SPRED2: variants seen among roughly 807,000 people sequenced by gnomAD.
SPRED2 encodes sprouty related EVH1 domain containing 2.
SPRED2 carries 47 observed loss-of-function variants against 43.0 expected under a neutral mutation model. The ratio of observed to expected loss-of-function variants is 1.09; its 90% CI spans 0.87 to 1.40. SPRED2 has a LOEUF of 1.40. Among genes scored for constraint, SPRED2 ranks in the 40% most tolerant of loss-of-function variants. The pLI, the probability that SPRED2 is intolerant of heterozygous loss-of-function variation, is 0.00. For missense variants in SPRED2, 561 were observed against 586.4 expected (o/e 0.96, Z 0.45); for synonymous variants, 225 against 225.7 (o/e 1.00, Z 0.03).
chr2:65,403,933 G>T (rs1346249256), intron 1 of SPRED2, among the ~76,000 whole-genome samples: 1 of 152,146 alleles, frequency 6.6e-6, no homozygotes, highest in Non-Finnish European at 1.5e-5. Flanking sequence ...GGCCAGGTGT[G>T]GTGGCTCACT....
chr2:65,338,761 C>T (rs1482580892), intron 2 of SPRED2, among the ~76,000 whole-genome samples: 1 of 151,242 alleles, frequency 6.6e-6, no homozygotes, highest in Non-Finnish European at 1.5e-5. Context: ...GGCTGCCCAT[C>T]GTCTGGGATG....
intron 4 of SPRED2, among the ~76,000 whole-genome samples, chr2:65,325,595 A>C (rs1673587269): frequency 6.6e-6 from 1 of 152,108 alleles, no homozygotes; most frequent in Non-Finnish European, 1.5e-5. Context: ...GCTCCTAAGA[A>C]CATTACAGGT....
intron 1 of SPRED2, among the ~76,000 whole-genome samples, chr2:65,379,220 G>A (rs1224357591): frequency 1.3e-5 from 2 of 152,148 alleles, no homozygotes; most frequent in Non-Finnish European, 1.5e-5. Context: ...GTTCCATTGA[G>A]TGTTCCCCCT....
rs1396902942 is a variant in SPRED2, at chr2:65,363,013, T to G, written c.27-18117A>C. Among the ~76,000 whole-genome samples, 75 of 140,208 alleles carry G rather than the reference T, an allele frequency of 5.3e-4. 1 individual carries two copies. Among genetic ancestry groups the G allele is most frequent in the South Asian group, 6.5e-4 (3 of 4,582 alleles). The allele number at this position is 140,208 out of a possible 152,430, so 92.0% of individuals were successfully genotyped here. ...TATGGTCATCATGTTTTGTTTTTTT[T>G]TTTTTTTTTTTTTTTTGAAAGGTTT... On this transcript the variant is annotated intron_variant, in intron 1 of 5. Transcript: ENST00000356388.
At chr2:65,391,072 A>G (rs1286699229) in intron 1 of SPRED2, among the ~76,000 whole-genome samples, 1 of 134,394 alleles carries the variant, frequency 7.4e-6, no homozygotes, top group East Asian at 2.2e-4. Flanking sequence ...TGGGTGACAG[A>G]GCGAGACTCC....
chr2:65,339,324 G>A (rs1426874757), intron 2 of SPRED2, among the ~76,000 whole-genome samples: 3 of 152,006 alleles, frequency 2.0e-5, no homozygotes, highest in Non-Finnish European at 2.9e-5. Context: ...TCGGATGGTT[G>A]CCGTGTCTGT....
rs548907871 is a variant in SPRED2 at position 65,337,431 on chromosome 2, A to G, written c.205-2658T>C. On this transcript the variant is annotated intron_variant, in intron 2 of 5. Coordinates refer to ENST00000356388, the MANE Select transcript of SPRED2 (RefSeq NM_181784.3). Reference sequence around the variant, plus strand: ...CTTGAAAAAAAAAACTACACAAGAAATACATGTTGTGGGAGATTTAAGTAT... The same window carrying G: ...CTTGAAAAAAAAAACTACACAAGAAGTACATGTTGTGGGAGATTTAAGTAT... Among the ~76,000 whole-genome samples the G allele has an allele frequency of 5.9e-5, 9 of 152,276 alleles. 1 individual carries two copies. The highest frequency in any genetic ancestry group is 2.2e-4 in the African/African-American group (9 of 41,554).
chr2:65,343,097 C>A (rs1674240655), intron 2 of SPRED2, among the ~76,000 whole-genome samples: 1 of 152,152 alleles, frequency 6.6e-6, no homozygotes, highest in African/African-American at 2.4e-5. Context: ...ATCATAATTT[C>A]TTCAATTACA....
chr2:65,410,186 T>C (rs1558688883), intron 1 of SPRED2, among the ~76,000 whole-genome samples: 1 of 151,842 alleles, frequency 6.6e-6, no homozygotes, highest in Non-Finnish European at 1.5e-5. Context: ...GCAGTGAGCT[T>C]TGATCATGCC....
intron 1 of SPRED2, among the ~76,000 whole-genome samples, chr2:65,430,211 C>G (rs912410349): frequency 6.6e-6 from 1 of 152,134 alleles, no homozygotes; most frequent in African/African-American, 2.4e-5. Flanking sequence ...GCCCTAAAAG[C>G]GCAACTTTTT....
At chr2:65,400,455 T>C (rs1463241606) in intron 1 of SPRED2, among the ~76,000 whole-genome samples, 4 of 152,216 alleles carry the variant, frequency 2.6e-5, no homozygotes, top group African/African-American at 9.6e-5. Flanking sequence ...AAAAGCATTT[T>C]TGCTTGATGC....
At chr2:65,384,588 C>T (rs1572885071) in intron 1 of SPRED2, among the ~76,000 whole-genome samples, 1 of 152,316 alleles carries the variant, frequency 6.6e-6, no homozygotes, top group South Asian at 2.1e-4. Context: ...AGGGTGCAGG[C>T]CCGTGAGGCC....
At chr2:65,404,062 G>A (rs1018373459) in intron 1 of SPRED2, among the ~76,000 whole-genome samples, 1 of 152,014 alleles carries the variant, frequency 6.6e-6, no homozygotes, top group Admixed American at 6.6e-5. Flanking sequence ...AAAACTAGCT[G>A]GGCATGGTGG....
intron 5 of SPRED2, among the ~76,000 whole-genome samples, 177 bp from the exon 6 acceptor site, chr2:65,314,346 A>G (rs1673174699): frequency 6.6e-6 from 1 of 152,238 alleles, no homozygotes; most frequent in Non-Finnish European, 1.5e-5. Flanking sequence ...CCTGTCGCCC[A>G]GTCAGAGATG....
At chr2:65,351,539 G>A (rs1342025307) in intron 1 of SPRED2, among the ~76,000 whole-genome samples, 3 of 152,218 alleles carry the variant, frequency 2.0e-5, no homozygotes, top group South Asian at 2.1e-4. Flanking sequence ...ACTCCCAGAC[G>A]CCAGCTGAGC....
At chr2:65,315,715 A>G (rs1371564198) in intron 5 of SPRED2, among the ~76,000 whole-genome samples, 1 of 152,200 alleles carries the variant, frequency 6.6e-6, no homozygotes, top group East Asian at 1.9e-4. Context: ...CGATGACGCA[A>G]TGGCGCAATC....
chr2:65,344,158 A>AAC (rs1478119021), intron 2 of SPRED2: 18 of 157,536 alleles, frequency 1.1e-4, no homozygotes, highest in African/African-American at 4.4e-4. Flanking sequence ...AAAAAAAAAA[A>AAC]AACCCAAAAA....
In SPRED2 at chr2:65,432,320, T is replaced by G; in HGVS notation, c.-333A>C. 4.8e-6 allele frequency: 1 copy of G among 209,064 alleles called. No individual in the cohort carries two copies. The highest frequency in any genetic ancestry group is 9.3e-6 in the Non-Finnish European group (1 of 108,036). 13.0% of individuals were successfully genotyped at this position (209,064 alleles called of 1,614,324 possible). A position where few individuals can be genotyped will look rare whatever the true frequency, so the allele number is the denominator to read the frequency against. ...AGAGCAGGAGAAAAACAAGCGCGCCTCGGAGCGGCAGGGACTGCTGCGAGG... is the reference window on the plus strand; with the variant it reads ...AGAGCAGGAGAAAAACAAGCGCGCCGCGGAGCGGCAGGGACTGCTGCGAGG... On this transcript the variant is annotated 5_prime_UTR_variant, in exon 1 of 6. Coordinates refer to ENST00000356388, the MANE Select transcript of SPRED2 (RefSeq NM_181784.3).
chr2:65,357,706 G>GA (rs575724896), intron 1 of SPRED2, among the ~76,000 whole-genome samples: 70 of 152,292 alleles, frequency 4.6e-4, no homozygotes, highest in Non-Finnish European at 8.1e-4. Context: ...ACAGCTACAT[G>GA]AAAAAATCAC....
Sources: gnomAD v4.1 joint callset for allele counts (sites outside exome capture counted in the v4.1 genomes callset) on GRCh38, gnomAD v4.1.1 for gene constraint, MANE v1.5 for transcripts, NCBI Gene and HGNC (gene_info 2026-07-23, HGNC 2026-07-21) for gene names.